The following MAGI1 variants were observed in gnomAD, a reference collection of about 807,000 sequenced individuals.
MAGI1 encodes membrane-associated guanylate kinase, WW and PDZ domain-containing protein 1.
Under a neutral mutation model 139.9 loss-of-function variants are expected in MAGI1, and 58 were observed. The observed-to-expected ratio is 0.41, with a 90% confidence interval of 0.34 to 0.52. The LOEUF (loss-of-function observed/expected upper bound fraction) is 0.52, where lower values mean the gene tolerates loss of function less well. MAGI1 is among the 20% of genes least tolerant of loss of function. The probability of loss-of-function intolerance (pLI) is 0.12; values close to 1 mark genes in which losing one functional copy is unlikely to be tolerated. For synonymous variants in MAGI1, 812 were observed against 737.9 expected (o/e 1.10, Z -1.63); for missense variants, 1,874 against 1,901.6 (o/e 0.99, Z 0.27).
rs145472641 is a variant in MAGI1 at position 65,355,740 on chromosome 3, C to T, written c.*638G>A. 6.5e-6 allele frequency: 1 copy of T among 152,676 alleles called. No homozygotes were observed. The highest frequency in any genetic ancestry group is 1.9e-4 in the East Asian group (1 of 5,170). The allele number at this position is 152,676 out of a possible 1,614,324, so 9.5% of individuals were successfully genotyped here. On this transcript the variant is annotated 3_prime_UTR_variant, in exon 23 of 23. Coordinates refer to ENST00000402939, the MANE Select transcript of MAGI1 (RefSeq NM_001033057.2). ...GGAGAGTACAAACTGTTTTCTGAAC[C>T]AACTATAACTCACAATATAAAACTT...
intron 3 of MAGI1, among the ~76,000 whole-genome samples, chr3:65,493,090 A>C (rs1952173099): frequency 6.6e-6 from 1 of 151,874 alleles, no homozygotes; most frequent in Admixed American, 6.6e-5. Context: ...AAAAAAAAAA[A>C]AAAAAGTTTG....
intron 4 of MAGI1, among the ~76,000 whole-genome samples, chr3:65,476,587 C>CA (rs1379980523): frequency 2.0e-5 from 3 of 152,016 alleles, no homozygotes; most frequent in South Asian, 2.1e-4. Context: ...TTCTTTCTAC[C>CA]AAAAAATCTA....
At chr3:65,796,587 C>T (rs2040165200) in intron 1 of MAGI1, among the ~76,000 whole-genome samples, 1 of 152,124 alleles carries the variant, frequency 6.6e-6, no homozygotes, top group Non-Finnish European at 1.5e-5. Context: ...GGCAAGTTAG[C>T]TATTAATAAG....
chr3:65,568,325 G>A (rs1421018005), intron 2 of MAGI1, among the ~76,000 whole-genome samples: 9 of 150,182 alleles, frequency 6.0e-5, no homozygotes, highest in Admixed American at 2.0e-4. Context: ...TTTTCTTTTT[G>A]GTTGTGCACA....
At chr3:65,523,314 A>G (rs2107808356) in intron 2 of MAGI1, among the ~76,000 whole-genome samples, 1 of 152,242 alleles carries the variant, frequency 6.6e-6, no homozygotes, top group Non-Finnish European at 1.5e-5. Context: ...AGTTTACACA[A>G]CTGTGAAAGT....
At chr3:65,818,016 G>A (rs1361690612) in intron 1 of MAGI1, among the ~76,000 whole-genome samples, 2 of 151,550 alleles carry the variant, frequency 1.3e-5, no homozygotes, top group Non-Finnish European at 2.9e-5. Flanking sequence ...ATTAACTGCA[G>A]TTAGAAAACA....
At chr3:65,405,613 T>C (rs75071378) in intron 12 of MAGI1, among the ~76,000 whole-genome samples, 1 of 149,364 alleles carries the variant, frequency 6.7e-6, no homozygotes, top group Non-Finnish European at 1.5e-5. Flanking sequence ...TTTTTTTTTT[T>C]GGACAGAGTC....
At chr3:65,480,589 T>G (rs1951217297) in intron 3 of MAGI1, among the ~76,000 whole-genome samples, 1 of 147,472 alleles carries the variant, frequency 6.8e-6, no homozygotes, top group Admixed American at 6.7e-5. Context: ...AGGTTTCTTT[T>G]TTTTTTTTTT....
chr3:65,590,923 A>G (rs144775081), intron 2 of MAGI1, among the ~76,000 whole-genome samples: 2 of 152,324 alleles, frequency 1.3e-5, no homozygotes, highest in South Asian at 4.1e-4. Flanking sequence ...TGAGAATGTA[A>G]ATTATATAAT....
chr3:65,791,991 T>G (rs2039804767), intron 1 of MAGI1, among the ~76,000 whole-genome samples: 1 of 152,106 alleles, frequency 6.6e-6, no homozygotes, highest in Non-Finnish European at 1.5e-5. Context: ...AGTGAATGCC[T>G]GAAACCATGA....
At chr3:65,381,397 A>C (rs1415645199) in intron 16 of MAGI1, among the ~76,000 whole-genome samples, 1 of 152,098 alleles carries the variant, frequency 6.6e-6, no homozygotes, top group Non-Finnish European at 1.5e-5. Context: ...AGAACTGGCC[A>C]GCTCTACAAC....
chr3:65,459,902 G>C (rs148085205), intron 5 of MAGI1, among the ~76,000 whole-genome samples: 1 of 151,984 alleles, frequency 6.6e-6, no homozygotes, highest in Non-Finnish European at 1.5e-5. Flanking sequence ...TCCAACATGG[G>C]CAACAGGAGT....
chr3:65,819,335 C>A (rs2041802514), intron 1 of MAGI1, among the ~76,000 whole-genome samples: 1 of 152,126 alleles, frequency 6.6e-6, no homozygotes, highest in Non-Finnish European at 1.5e-5. Flanking sequence ...GGCATATGAT[C>A]TCCCAGCAAC....
chr3:65,957,536 A>T (rs574201075), intron 1 of MAGI1, among the ~76,000 whole-genome samples: 6 of 32,438 alleles, frequency 1.8e-4, no homozygotes, highest in African/African-American at 1.4e-3. Context: ...AAAAAAAAAG[A>T]AAAAGAAAAG....
At chr3:65,639,339 T>C (rs1388307168) in intron 1 of MAGI1, among the ~76,000 whole-genome samples, 4 of 152,210 alleles carry the variant, frequency 2.6e-5, no homozygotes, top group African/African-American at 7.2e-5. Flanking sequence ...AATTTATCAA[T>C]TTTTATGGTT....
chr3:65,986,210 C>T (rs2107318344), intron 1 of MAGI1, among the ~76,000 whole-genome samples: 1 of 152,204 alleles, frequency 6.6e-6, no homozygotes, highest in South Asian at 2.1e-4. Context: ...TATATACCAT[C>T]CTTGATAAAT....
intron 1 of MAGI1, among the ~76,000 whole-genome samples, chr3:65,639,985 G>A (rs377295156): frequency 2.4e-5 from 3 of 125,672 alleles, no homozygotes; most frequent in African/African-American, 3.3e-5. Context: ...GCAAAACTCC[G>A]TCTCAAAAAA....
chr3:65,762,717 T>A (rs113478386), intron 1 of MAGI1, among the ~76,000 whole-genome samples: 10 of 5,568 alleles, frequency 1.8e-3, no homozygotes, highest in Non-Finnish European at 3.8e-3. Context: ...ATTTTCTCAT[T>A]GAATTCTTAC....
At chr3:65,435,678 A>G (rs1947799607) in intron 10 of MAGI1, among the ~76,000 whole-genome samples, 1 of 152,218 alleles carries the variant, frequency 6.6e-6, no homozygotes, top group Non-Finnish European at 1.5e-5. Flanking sequence ...ATAATAGCAC[A>G]CAAATGAACA....
Sources: gnomAD v4.1 joint callset for allele counts (sites outside exome capture counted in the v4.1 genomes callset) on GRCh38, gnomAD v4.1.1 for gene constraint, MANE v1.5 for transcripts, NCBI Gene and HGNC (gene_info 2026-07-23, HGNC 2026-07-21) for gene names.